The following FXYD6 variants were observed in gnomAD, a reference collection of about 807,000 sequenced individuals.
The protein encoded by FXYD6 is FXYD domain-containing ion transport regulator 6.
A neutral mutation model predicts 16.7 loss-of-function variants in FXYD6; 7 were observed. The observed-to-expected ratio is 0.42, with a 90% CI of 0.24 to 0.79. The LOEUF is 0.79. Ranked by LOEUF, FXYD6 falls within the 30% of genes least tolerant of loss-of-function variation. FXYD6 has a pLI of 0.28. For missense variants in FXYD6, 111 were observed against 116.2 expected (o/e 0.95, Z 0.21); for synonymous variants, 49 against 43.0 (o/e 1.14, Z -0.54).
intron 1 of FXYD6, among the ~76,000 whole-genome samples, chr11:117,857,288 T>C (rs1349378497): frequency 6.6e-6 from 1 of 152,134 alleles, no homozygotes; most frequent in Non-Finnish European, 1.5e-5. Context: ...CCCCAGGTGA[T>C]GTGGTGAGTT....
upstream of FXYD6, chr11:117,876,728 C>A (rs1211100748): frequency 1.5e-5 from 2 of 137,144 alleles, no homozygotes; most frequent in Non-Finnish European, 3.2e-5. Context: ...AGGAGTCGGG[C>A]TGGCTGGGAG....
chr11:117,866,103 C>T (rs1399032144), intron 1 of FXYD6, among the ~76,000 whole-genome samples: 1 of 150,226 alleles, frequency 6.7e-6, no homozygotes, highest in East Asian at 2.0e-4. Context: ...AAATCAGAGA[C>T]AAAAAGGAGA....
Position 117,865,582 on chromosome 11 carries a change from C to T in FXYD6, c.-6+11010G>A, listed in dbSNP as rs1024563824. Among the ~76,000 whole-genome samples the T allele has an allele frequency of 2.6e-5, 4 of 152,178 alleles. No homozygotes were observed. In the East Asian group the frequency reaches 5.8e-4, roughly 22 times the overall value. On this transcript the variant is annotated intron_variant, in intron 1 of 7. Coordinates refer to ENST00000526014, the MANE Select transcript of FXYD6 (RefSeq NM_022003.4). ...CATGCATGAATCTTGTGCCCAGCAG[C>T]TGTGAGATGGACAGAGGCTGAGGAG...
rs192360203 is a variant in FXYD6, at chr11:117,863,361, G to A, written c.-6+13231C>T. The stretch of plus-strand genomic sequence containing the variant: ...AAAACGGAGGGAAAAAAAACCACAC[G>A]ATCATCTCAATTGATGCAGAAAAAG... On this transcript the variant is annotated intron_variant, in intron 1 of 7. Coordinates refer to ENST00000526014, the MANE Select transcript of FXYD6 (RefSeq NM_022003.4). 3.8e-4 allele frequency among the ~76,000 whole-genome samples: 57 copies of A among 151,788 alleles called. 1 individual carries two copies. In the South Asian group the frequency reaches 7.1e-3, roughly 19 times the overall value.
rs956680030 is a variant in FXYD6 at position 117,870,349 on chromosome 11, G to C, written c.-6+6243C>G. Among the ~76,000 whole-genome samples, 1 of 152,220 alleles carries C rather than the reference G, an allele frequency of 6.6e-6. No individual in the cohort carries two copies. Among genetic ancestry groups the C allele is most frequent in the Non-Finnish European group, 1.5e-5 (1 of 68,032 alleles). On this transcript the variant is annotated intron_variant, in intron 1 of 7. Coordinates refer to ENST00000526014, the MANE Select transcript of FXYD6 (RefSeq NM_022003.4). This position sits in a 1 kb window ranked among gnomAD's most constrained non-coding sequence, Gnocchi z 4.2. ...AGCAGGCTGCACGCCCCAGCAGGGC[G>C]TGATGGAGTCAGGCCAGGATGGGAT...
Position 117,837,110 on chromosome 11 carries a change from G to A in FXYD6, c.*1189C>T, listed in dbSNP as rs1040274185. 6.6e-6 allele frequency: 1 copy of A among 152,254 alleles called. No individual in the cohort carries two copies. The highest frequency in any genetic ancestry group is 2.4e-5 in the African/African-American group (1 of 41,426). The allele number at this position is 152,254 out of a possible 1,614,324, so 9.4% of individuals were successfully genotyped here. On this transcript the variant is annotated 3_prime_UTR_variant, in exon 8 of 8. Coordinates refer to ENST00000526014, the MANE Select transcript of FXYD6 (RefSeq NM_022003.4). The surrounding 1 kb of genome is among the most constrained non-coding windows in gnomAD (Gnocchi z 4.4). ...CGGGAACACAGAGGACAGGAGGGGC[G>A]GGATCTGGGTTGAGTTCCCACTCTC...
intron 1 of FXYD6, among the ~76,000 whole-genome samples, chr11:117,851,281 T>C (rs1028080244): frequency 7.0e-6 from 1 of 142,940 alleles, no homozygotes; most frequent in Non-Finnish European, 1.6e-5. Context: ...GCCTCTTGTG[T>C]GCTCTCTCTC....
chr11:117,840,183 C>T, intron 6 of FXYD6, 136 bp downstream of exon 6: 2 of 1,104,264 alleles, frequency 1.8e-6, no homozygotes, highest in East Asian at 2.4e-5. Flanking sequence ...GCTGCAGAGG[C>T]CCTGGAGACC....
intron 1 of FXYD6, among the ~76,000 whole-genome samples, chr11:117,871,539 G>C (rs1351926833): frequency 6.6e-6 from 1 of 152,196 alleles, no homozygotes; most frequent in Admixed American, 6.5e-5. Flanking sequence ...GACATTCACG[G>C]TATATGAGTA....
intron 1 of FXYD6, among the ~76,000 whole-genome samples, chr11:117,869,730 A>T (rs1342399823): frequency 1.3e-5 from 2 of 152,256 alleles, no homozygotes; most frequent in East Asian, 3.8e-4. Flanking sequence ...AAAAGAAATA[A>T]GGCCTCTTCC....
intron 7 of FXYD6, 109 bp from the exon 8 acceptor site, chr11:117,838,386 G>A: frequency 1.4e-6 from 1 of 690,920 alleles, no homozygotes; most frequent in Non-Finnish European, 2.7e-6. Context: ...CGGTATGACA[G>A]CCTCGTCTGA....
In FXYD6 at chr11:117,837,818, G is replaced by A. The variant is rs1249407427; in HGVS notation, c.*481C>T. On this transcript the variant is annotated 3_prime_UTR_variant, in exon 8 of 8. Coordinates refer to ENST00000526014, the MANE Select transcript of FXYD6 (RefSeq NM_022003.4). This position sits in a 1 kb window ranked among gnomAD's most constrained non-coding sequence, Gnocchi z 4.4. ...CCAAGACGACTGAAGACCACTGCCC[G>A]TGCTCTTACCCTACGCATCCCTAAA... 4 of 228,324 alleles carry A rather than the reference G, an allele frequency of 1.8e-5. No homozygotes were observed. The highest frequency in any genetic ancestry group is 1.9e-4 in the East Asian group (2 of 10,654). The allele number at this position is 228,324 out of a possible 1,614,324, so 14.1% of individuals were successfully genotyped here. A position where few individuals can be genotyped will look rare whatever the true frequency, so the allele number is the denominator to read the frequency against.
chr11:117,844,274 A>G (rs2056423547), intron 1 of FXYD6: 1 of 152,290 alleles, frequency 6.6e-6, no homozygotes, highest in African/African-American at 2.4e-5. Context: ...TCACACTTGT[A>G]TTTCCTTTGA....
Position 117,870,807 on chromosome 11 carries a change from C to CT in FXYD6, c.-6+5784dup, listed in dbSNP as rs1300878944. On this transcript the variant is annotated intron_variant, in intron 1 of 7. Coordinates refer to ENST00000526014, the MANE Select transcript of FXYD6 (RefSeq NM_022003.4). The surrounding 1 kb of genome is among the most constrained non-coding windows in gnomAD (Gnocchi z 4.2). ...ACCCACAGAGCCAAGGCCTACACCC[C>CT]TTCCCATGTAGGGCTGTCACCAGTG... Among the ~76,000 whole-genome samples, 1 of 152,176 alleles carries CT rather than the reference C, an allele frequency of 6.6e-6. No individual in the cohort carries two copies. Among genetic ancestry groups the CT allele is most frequent in the Non-Finnish European group, 1.5e-5 (1 of 68,038 alleles).
intron 5 of FXYD6, among the ~76,000 whole-genome samples, chr11:117,840,820 A>G (rs2134132918): frequency 6.6e-6 from 1 of 152,144 alleles, no homozygotes; most frequent in East Asian, 1.9e-4. Flanking sequence ...CTGGGCATCT[A>G]GAGAGGCCAG....
At chr11:117,873,164 C>T (rs189751545) in intron 1 of FXYD6, among the ~76,000 whole-genome samples, 1 of 152,260 alleles carries the variant, frequency 6.6e-6, no homozygotes, top group Admixed American at 6.5e-5. Context: ...GCACCTTCTG[C>T]CACACTGGGT....
intron 1 of FXYD6, among the ~76,000 whole-genome samples, chr11:117,853,413 G>A (rs2056650587): frequency 6.6e-6 from 1 of 152,208 alleles, no homozygotes; most frequent in Non-Finnish European, 1.5e-5. Context: ...CCTACAGAAT[G>A]CAGTAATGTC....
At chr11:117,873,571 G>T (rs1441691037) in intron 1 of FXYD6, among the ~76,000 whole-genome samples, 2 of 152,226 alleles carry the variant, frequency 1.3e-5, no homozygotes, top group Non-Finnish European at 2.9e-5. Context: ...CAGGCTCCCT[G>T]CCTCCTTGGG....
intron 1 of FXYD6, among the ~76,000 whole-genome samples, chr11:117,857,828 C>T (rs930620093): frequency 2.6e-5 from 4 of 152,064 alleles, no homozygotes; most frequent in Non-Finnish European, 5.9e-5. Flanking sequence ...GGACTGGCCC[C>T]GAAGGCTTTT....
Sources: gnomAD v4.1 joint callset for allele counts (sites outside exome capture counted in the v4.1 genomes callset) on GRCh38, gnomAD v4.1.1 for gene constraint, Gnocchi (gnomAD v3.1) non-coding constraint, MANE v1.5 for transcripts, NCBI Gene and HGNC (gene_info 2026-07-23, HGNC 2026-07-21) for gene names.